The following DOCK8 variants were observed in gnomAD, a reference collection of about 807,000 sequenced individuals.
DOCK8 encodes the protein dedicator of cytokinesis protein 8.
In DOCK8, 141 loss-of-function variants were observed where a neutral mutation model predicts 245.6. That is an observed-to-expected ratio of 0.57 (90% CI 0.50 to 0.66). The LOEUF (loss-of-function observed/expected upper bound fraction) is 0.66. Ranked by LOEUF, DOCK8 falls within the 30% of genes least tolerant of loss-of-function variation. DOCK8 has a pLI of 0.00. For synonymous variants in DOCK8, 1,168 were observed against 970.2 expected, an observed-to-expected ratio of 1.20 and a Z score of -3.79; for missense variants, 2,965 against 2,603.4, an observed-to-expected ratio of 1.14 and a Z score of -3.02.
chr9:283,802 T>C (rs911176883), intron 2 of DOCK8, among the ~76,000 whole-genome samples: 2 of 152,224 alleles, frequency 1.3e-5, no homozygotes, highest in African/African-American at 4.8e-5. Flanking sequence ...CTTCAGGCTA[T>C]GTGTATAAGG....
intron 43 of DOCK8, among the ~76,000 whole-genome samples, chr9:445,390 C>G (rs1232188845): frequency 6.6e-6 from 1 of 152,204 alleles, no homozygotes; most frequent in Non-Finnish European, 1.5e-5. Flanking sequence ...GTGAGTGTCC[C>G]AGCATCTGAA....
chr9:245,085 T>A (rs547983134), intron 1 of DOCK8, among the ~76,000 whole-genome samples: 1 of 152,278 alleles, frequency 6.6e-6, no homozygotes, highest in East Asian at 1.9e-4. Context: ...TGGTGCTGAT[T>A]TCAGGTCCCA....
chr9:214,476 G>C (rs534035330), upstream of DOCK8: 5 of 1,579,056 alleles, frequency 3.2e-6, no homozygotes, highest in South Asian at 2.3e-5. Context: ...TGCCTTCTTC[G>C]AGAATGGTGT....
intron 2 of DOCK8, among the ~76,000 whole-genome samples, chr9:282,730 C>G (rs1052853267): frequency 1.3e-5 from 2 of 152,128 alleles, no homozygotes; most frequent in Non-Finnish European, 2.9e-5. Context: ...TCCAACATGA[C>G]AAGTATTATT....
At chr9:261,349 G>A (rs1338863486) in intron 1 of DOCK8, among the ~76,000 whole-genome samples, 1 of 152,102 alleles carries the variant, frequency 6.6e-6, no homozygotes, top group African/African-American at 2.4e-5. Flanking sequence ...CTTAGCCCAG[G>A]CACATAAATG....
chr9:366,438 C>T (rs1212470443), intron 14 of DOCK8: 3 of 152,090 alleles, frequency 2.0e-5, no homozygotes, highest in Non-Finnish European at 2.9e-5. Flanking sequence ...TTGATTGTTC[C>T]AATTATCATT....
At chr9:388,352 A>G (rs1163646104) in intron 23 of DOCK8, among the ~76,000 whole-genome samples, 1 of 152,228 alleles carries the variant, frequency 6.6e-6, no homozygotes, top group East Asian at 1.9e-4. Flanking sequence ...AAACGAAGTG[A>G]AACCAGTCGA....
chr9:376,983 C>A lies in DOCK8; in HGVS notation c.2212C>A (p.His738Asn). The A allele has an allele frequency of 2.5e-6, 4 of 1,613,886 alleles. No individual in the cohort carries two copies. Among genetic ancestry groups the A allele is most frequent in the Non-Finnish European group, 3.4e-6 (4 of 1,179,916 alleles). Residue 738 changes from histidine to asparagine, a missense_variant, in exon 20 of 48, where the codon CAC becomes AAC. Physicochemically the swap from His to Asn is moderately conservative, Grantham distance 68. Coordinates refer to ENST00000432829, the MANE Select transcript of DOCK8 (RefSeq NM_203447.4). Reference protein sequence around the residue: ...AVSSVHTQDNHLEKFFTLCHS... With the variant: ...AVSSVHTQDNNLEKFFTLCHS... ...CTGCCTTCTCCCTTCGCAGGACAAC[C>A]ACCTGGAGAAGTTCTTCACCCTCTG... is the stretch of plus-strand genomic sequence containing the variant.
intron 28 of DOCK8, among the ~76,000 whole-genome samples, chr9:414,088 G>C (rs1034256567): frequency 2.0e-5 from 3 of 150,774 alleles, no homozygotes; most frequent in African/African-American, 7.3e-5. Flanking sequence ...GTTGCAGTGA[G>C]CCGAGATCGT....
Position 403,942 on chromosome 9 carries a change from A to ATATGTATATATATATATG in DOCK8, c.3235-975_3235-974insATGTATATATATATATGT, listed in dbSNP as rs1554694106. On this transcript the variant is annotated intron_variant, in intron 26 of 47. Coordinates refer to ENST00000432829, the MANE Select transcript of DOCK8 (RefSeq NM_203447.4). ...CATATATATATATGTGTATATATATATGTGTATATATATATATGTATATAT... is the reference window on the plus strand; with the variant it reads ...CATATATATATATGTGTATATATATATATGTATATATATATATGTGTGTATATATATATATGTATATAT... 3.7e-5 allele frequency among the ~76,000 whole-genome samples: 3 copies of ATATGTATATATATATATG among 81,846 alleles called. No homozygotes were observed. In the Admixed American group the frequency reaches 4.0e-4, roughly 11 times the overall value. 53.7% of individuals were successfully genotyped at this position (81,846 alleles called of 152,430 possible).
chr9:219,374 G>A (rs1338932956), intron 1 of DOCK8, among the ~76,000 whole-genome samples: 1 of 152,174 alleles, frequency 6.6e-6, no homozygotes, highest in African/African-American at 2.4e-5. Context: ...AGGAGGCTGA[G>A]GTGGGATAAT....
At chr9:222,876 A>G (rs1020385209) in intron 1 of DOCK8, among the ~76,000 whole-genome samples, 5 of 152,118 alleles carry the variant, frequency 3.3e-5, no homozygotes, top group Admixed American at 2.0e-4. Flanking sequence ...AATCCAATCT[A>G]CCTCCTCCTT....
At chr9:274,860 C>G (rs1030330492) in intron 2 of DOCK8, among the ~76,000 whole-genome samples, 2 of 152,172 alleles carry the variant, frequency 1.3e-5, no homozygotes, top group African/African-American at 4.8e-5. Flanking sequence ...GCGTTCTGAC[C>G]TTCGTTTCTC....
At chr9:281,219 A>G (rs2048568576) in intron 2 of DOCK8, among the ~76,000 whole-genome samples, 1 of 152,110 alleles carries the variant, frequency 6.6e-6, no homozygotes, top group Non-Finnish European at 1.5e-5. Flanking sequence ...CCGCCACTGC[A>G]GTCCAGCAAC....
intron 1 of DOCK8, among the ~76,000 whole-genome samples, chr9:219,273 C>T (rs748831225): frequency 1.4e-4 from 22 of 152,194 alleles, no homozygotes; most frequent in African/African-American, 4.1e-4. Context: ...AGTTCAAGAC[C>T]GGCCTGGCCA....
chr9:386,253 C>G, intron 22 of DOCK8, 78 bp from the exon 23 acceptor site: 1 of 1,226,548 alleles, frequency 8.2e-7, no homozygotes, highest in Non-Finnish European at 1.2e-6. Flanking sequence ...AAAATGAATT[C>G]TGAGGTTGTG....
chr9:341,706 C>T (rs1039672176), intron 14 of DOCK8, among the ~76,000 whole-genome samples: 4 of 152,200 alleles, frequency 2.6e-5, no homozygotes, highest in African/African-American at 7.2e-5. Context: ...CACTCTAGGT[C>T]AGGGGTCCCC....
chr9:413,756 T>C (rs2055862449), intron 28 of DOCK8, among the ~76,000 whole-genome samples: 1 of 152,220 alleles, frequency 6.6e-6, no homozygotes, highest in African/African-American at 2.4e-5. Context: ...AATAAAGTGT[T>C]GGCAAGAATA....
At chr9:217,392 G>A (rs1325195435) in intron 1 of DOCK8, among the ~76,000 whole-genome samples, 1 of 152,126 alleles carries the variant, frequency 6.6e-6, no homozygotes, top group Non-Finnish European at 1.5e-5. Context: ...GCTTTCTTGG[G>A]GCCAGTGTTT....
Sources: gnomAD v4.1 joint callset for allele counts (sites outside exome capture counted in the v4.1 genomes callset) on GRCh38, gnomAD v4.1.1 for gene constraint, MANE v1.5 for transcripts, NCBI Gene and HGNC (gene_info 2026-07-23, HGNC 2026-07-21) for gene names.